Variants in CFAP221 observed in about 807,000 individuals in gnomAD.
CFAP221 encodes the protein cilia- and flagella-associated protein 221.
Under a neutral mutation model 113.1 loss-of-function variants are expected in CFAP221, and 97 were observed. That is an observed-to-expected ratio of 0.86 (90% CI 0.73 to 1.02). The LOEUF (loss-of-function observed/expected upper bound fraction) is 1.02. Ranked by LOEUF, CFAP221 falls within the 50% of genes least tolerant of loss-of-function variation. The pLI, the probability that CFAP221 is intolerant of heterozygous loss-of-function variation, is 0.00. For missense variants in CFAP221, 1,025 were observed against 1,013.4 expected, an observed-to-expected ratio of 1.01 and a Z score of -0.16; for synonymous variants, 331 against 354.4, an observed-to-expected ratio of 0.93 and a Z score of 0.74.
chr2:119,554,537 G>A (rs994262868), intron 3 of CFAP221, among the ~76,000 whole-genome samples: 1 of 152,076 alleles, frequency 6.6e-6, no homozygotes, highest in Admixed American at 6.5e-5. Flanking sequence ...TAAATGAACA[G>A]TTTCTTCTGG....
chr2:119,642,692 T>C (rs1485937680), intron 21 of CFAP221, among the ~76,000 whole-genome samples: 1 of 151,998 alleles, frequency 6.6e-6, no homozygotes, highest in Non-Finnish European at 1.5e-5. Flanking sequence ...GTGTGCATCA[T>C]CATGCTCAGC....
At chr2:119,593,708 G>A (rs1226585918) in intron 7 of CFAP221, among the ~76,000 whole-genome samples, 7 of 152,130 alleles carry the variant, frequency 4.6e-5, no homozygotes, top group African/African-American at 1.4e-4. Flanking sequence ...GCGTAGTGAC[G>A]GGCGCCTATA....
intron 7 of CFAP221, among the ~76,000 whole-genome samples, chr2:119,597,701 T>C (rs371993129): frequency 3.9e-5 from 6 of 152,164 alleles, no homozygotes; most frequent in East Asian, 1.9e-4. Context: ...CCGGTGAGCA[T>C]AGGGCCTCAA....
intron 14 of CFAP221, among the ~76,000 whole-genome samples, chr2:119,622,964 A>C (rs1274125682): frequency 2.6e-5 from 4 of 152,228 alleles, no homozygotes; most frequent in Non-Finnish European, 4.4e-5. Context: ...GGCACAAGAC[A>C]AGGATGCCCT....
At chr2:119,620,761 A>G (rs1450864145) in intron 14 of CFAP221, among the ~76,000 whole-genome samples, 1 of 152,200 alleles carries the variant, frequency 6.6e-6, no homozygotes, top group Non-Finnish European at 1.5e-5. Context: ...TTAAATGTAA[A>G]CAGGTTAAGT....
intron 6 of CFAP221, among the ~76,000 whole-genome samples, chr2:119,567,687 A>C (rs185450297): frequency 1.3e-4 from 20 of 152,346 alleles, no homozygotes; most frequent in Admixed American, 2.6e-4. Flanking sequence ...GTTTTAAAAG[A>C]AACTACCAAA....
chr2:119,563,908 G>A (rs563240325), intron 6 of CFAP221, among the ~76,000 whole-genome samples: 9 of 152,352 alleles, frequency 5.9e-5, no homozygotes, highest in East Asian at 1.9e-4. Flanking sequence ...CTGCAAAGGC[G>A]TGATGGCAGC....
At chr2:119,608,401 G>T in intron 11 of CFAP221, 101 bp from the exon 12 acceptor site, 1 of 820,314 alleles carries the variant, frequency 1.2e-6, no homozygotes, top group South Asian at 2.1e-5. Context: ...CAGCATCTCA[G>T]GGTTCCTTTT....
intron 6 of CFAP221, among the ~76,000 whole-genome samples, chr2:119,563,467 C>A (rs1178768407): frequency 6.6e-6 from 1 of 152,140 alleles, no homozygotes; most frequent in Non-Finnish European, 1.5e-5. Context: ...TTAAATACTT[C>A]TGTACTGGTT....
rs75321667 is a variant in CFAP221 at position 119,546,621 on chromosome 2, A to C, written c.139+351A>C. On this transcript the variant is annotated intron_variant, in intron 2 of 23. Transcript: ENST00000413369. ...AAAATCCTGGCTGGCTTTTATCCCT[A>C]ATCTGCTCAAACTCCCAACAGTCCC... 9.2e-3 allele frequency among the ~76,000 whole-genome samples: 1,401 copies of C among 152,008 alleles called. 23 individuals carry two copies. The highest frequency in any genetic ancestry group is 0.032 in the African/African-American group (1,335 of 41,432).
chr2:119,630,696 C>T lies in CFAP221; in HGVS notation c.1839+19C>T, dbSNP rs1414236269. On this transcript the variant is annotated intron_variant, in intron 18 of 23. Transcript: ENST00000413369. ...AGCTGAGGTAACACACCCCCATCTTCCAGAATCTCTCTCATCTTTTCCCTC... is the reference window on the plus strand; with the variant it reads ...AGCTGAGGTAACACACCCCCATCTTTCAGAATCTCTCTCATCTTTTCCCTC... The T allele has an allele frequency of 1.2e-6, 2 of 1,606,276 alleles. No individual in the cohort carries two copies. The highest frequency in any genetic ancestry group is 1.7e-5 in the Admixed American group (1 of 59,984).
At chr2:119,659,840 G>C (rs906261110), downstream of CFAP221, among the ~76,000 whole-genome samples, 13 of 152,184 alleles carry the variant, frequency 8.5e-5, no homozygotes, top group Admixed American at 5.2e-4. Context: ...TGACCTCTGA[G>C]GCAAGGCCTA....
chr2:119,641,003 A>T (rs1437789887), intron 21 of CFAP221, among the ~76,000 whole-genome samples: 1 of 152,144 alleles, frequency 6.6e-6, no homozygotes, highest in Non-Finnish European at 1.5e-5. Context: ...GTAGTGTACA[A>T]GTGCAGCCGT....
At chr2:119,618,225 C>T (rs1486247416) in intron 14 of CFAP221, among the ~76,000 whole-genome samples, 1 of 152,214 alleles carries the variant, frequency 6.6e-6, no homozygotes, top group African/African-American at 2.4e-5. Flanking sequence ...ATCTCCAGTG[C>T]CTTGCACAGG....
In CFAP221 at chr2:119,546,042, T is replaced by C. The variant is rs191293987; in HGVS notation, c.-47-43T>C. 38 of 1,332,088 alleles carry C rather than the reference T, an allele frequency of 2.9e-5. No individual in the cohort carries two copies. In the Admixed American group the frequency reaches 7.2e-4, roughly 25 times the overall value. 82.5% of individuals were successfully genotyped at this position (1,332,088 alleles called of 1,614,324 possible). ...ATCAAAGAAAGAGAAAAAATGTGCG[T>C]GGTTTCTCATGGATGATTATACTGC... On this transcript the variant is annotated intron_variant, in intron 1 of 23. Coordinates refer to ENST00000413369, the MANE Select transcript of CFAP221 (RefSeq NM_001271049.2).
intron 6 of CFAP221, among the ~76,000 whole-genome samples, chr2:119,583,008 G>T (rs1400604181): frequency 2.0e-5 from 3 of 152,112 alleles, no homozygotes; most frequent in African/African-American, 7.2e-5. Flanking sequence ...TAAAGGAAAA[G>T]ATTATCCTAC....
chr2:119,562,111 A>G lies in CFAP221; in HGVS notation c.524A>G (p.Glu175Gly). 1.3e-6 allele frequency: 2 copies of G among 1,526,706 alleles called. No homozygotes were observed. The highest frequency in any genetic ancestry group is 1.8e-6 in the Non-Finnish European group (2 of 1,139,444). The allele number at this position is 1,526,706 out of a possible 1,614,324, so 94.6% of individuals were successfully genotyped here. A position where few individuals can be genotyped will look rare whatever the true frequency, so the allele number is the denominator to read the frequency against. ...AATCTGTCAAATGTTCTACTTGGTG[A>G]AAGGTGAGTTACCAAAATGTCAACA... ...FINLSNVLLGESKTYVIPLQC... is the reference protein window; with the variant it reads ...FINLSNVLLGGSKTYVIPLQC... The change falls in exon 6 of 24, where the codon GAA becomes GGA. Residue 175 changes from glutamate (E) to glycine (G), a missense_variant. Coordinates refer to ENST00000413369, the MANE Select transcript of CFAP221 (RefSeq NM_001271049.2).
At chr2:119,639,311 T>C (rs989292690) in intron 20 of CFAP221, among the ~76,000 whole-genome samples, 6 of 152,124 alleles carry the variant, frequency 3.9e-5, no homozygotes, top group African/African-American at 1.4e-4. Context: ...CCTGCCTGGC[T>C]CTCCAGCCAC....
At position 119,640,523 on chromosome 2, in the gene CFAP221, A is replaced by G. The variant is rs576869790; in HGVS notation, c.2225+651A>G. Reference sequence around the variant, plus strand: ...CTTTTCATTAGACTCTGCCTGGCCAATCGCTGACTCCTGAGCCCTTGAATT... The same window carrying G: ...CTTTTCATTAGACTCTGCCTGGCCAGTCGCTGACTCCTGAGCCCTTGAATT... On this transcript the variant is annotated intron_variant, in intron 21 of 23. Coordinates refer to ENST00000413369, the MANE Select transcript of CFAP221 (RefSeq NM_001271049.2). 7.9e-5 allele frequency among the ~76,000 whole-genome samples: 12 copies of G among 152,362 alleles called. No homozygotes were observed. In the South Asian group the frequency reaches 2.3e-3, roughly 29 times the overall value.
Sources: allele counts gnomAD v4.1 joint callset (sites outside exome capture counted in the v4.1 genomes callset), GRCh38; gene constraint gnomAD v4.1.1; transcripts MANE v1.5; gene names NCBI Gene and HGNC (gene_info 2026-07-23, HGNC 2026-07-21).